Variants in SGCG observed in about 807,000 individuals in gnomAD.
SGCG encodes the protein gamma-sarcoglycan.
A neutral mutation model predicts 29.3 loss-of-function variants in SGCG; 26 were observed. The ratio of observed to expected loss-of-function variants is 0.89; its 90% CI spans 0.65 to 1.23. SGCG has a LOEUF of 1.23. SGCG is among the 50% of genes most tolerant of loss of function. The pLI is 0.00. For synonymous variants in SGCG, 145 were observed against 129.7 expected (o/e 1.12, Z -0.80); for missense variants, 353 against 356.0 (o/e 0.99, Z 0.07).
intron 1 of SGCG, among the ~76,000 whole-genome samples, chr13:23,190,068 C>T (rs977982666): frequency 4.9e-5 from 5 of 102,506 alleles, no homozygotes; most frequent in African/African-American, 1.9e-4. Flanking sequence ...ATAAAATAAA[C>T]GTTTAAGTGT....
intron 3 of SGCG, among the ~76,000 whole-genome samples, chr13:23,239,018 A>G (rs1235957591): frequency 6.6e-6 from 1 of 152,184 alleles, no homozygotes; most frequent in Admixed American, 6.5e-5. Context: ...TGGCATCTCC[A>G]AAGAAGAAGA....
At chr13:23,288,975 A>T (rs535839509) in intron 5 of SGCG, among the ~76,000 whole-genome samples, 1 of 152,220 alleles carries the variant, frequency 6.6e-6, no homozygotes, top group Non-Finnish European at 1.5e-5. Flanking sequence ...GCTAAGCAAG[A>T]TCACATAAAG....
At chr13:23,315,765 G>A (rs71429836) in intron 6 of SGCG, among the ~76,000 whole-genome samples, 28,928 of 152,140 alleles carry the variant, frequency 0.19, 3,337 homozygotes, top group Non-Finnish European at 0.25. Context: ...TGGCTGGATG[G>A]TCAGGGACTT....
chr13:23,303,307 C>A (rs1882240587), intron 6 of SGCG, among the ~76,000 whole-genome samples: 1 of 152,230 alleles, frequency 6.6e-6, no homozygotes, highest in African/African-American at 2.4e-5. Flanking sequence ...GATGAAGTAA[C>A]TGGGACTGGA....
intron 1 of SGCG, among the ~76,000 whole-genome samples, chr13:23,189,426 C>T (rs1473990845): frequency 1.3e-5 from 2 of 152,210 alleles, no homozygotes; most frequent in African/African-American, 4.8e-5. Flanking sequence ...ATCCACCTGC[C>T]TTGGCCTCCA....
chr13:23,243,110 G>C (rs978518685), intron 3 of SGCG, among the ~76,000 whole-genome samples: 1 of 152,150 alleles, frequency 6.6e-6, no homozygotes, highest in Non-Finnish European at 1.5e-5. Flanking sequence ...TATAGATACA[G>C]AGTCAATTCT....
intron 2 of SGCG, among the ~76,000 whole-genome samples, chr13:23,216,426 C>T (rs960175136): frequency 6.6e-6 from 1 of 151,862 alleles, no homozygotes; most frequent in Non-Finnish European, 1.5e-5. Flanking sequence ...TTAGCAATGA[C>T]CAAGAAGGAA....
intron 4 of SGCG, among the ~76,000 whole-genome samples, chr13:23,272,813 T>C (rs1180142190): frequency 1.3e-5 from 2 of 152,206 alleles, no homozygotes; most frequent in East Asian, 3.8e-4. Context: ...GATCAAACTT[T>C]CTCATTTAAT....
intron 2 of SGCG, among the ~76,000 whole-genome samples, chr13:23,220,843 A>G (rs1184147461): frequency 2.0e-5 from 3 of 152,218 alleles, no homozygotes; most frequent in Non-Finnish European, 4.4e-5. Flanking sequence ...TAGAAGATAG[A>G]TAAGCCAAAT....
intron 3 of SGCG, among the ~76,000 whole-genome samples, chr13:23,240,941 C>A (rs890741199): frequency 3.9e-5 from 6 of 151,970 alleles, no homozygotes; most frequent in Non-Finnish European, 7.4e-5. Context: ...ATCACGAGGT[C>A]AGGAGATCGA....
intron 1 of SGCG, among the ~76,000 whole-genome samples, chr13:23,192,723 T>C (rs9552871): frequency 0.14 from 21,136 of 152,216 alleles, 1,836 homozygotes; most frequent in East Asian, 0.25. Context: ...AGAACAGTTA[T>C]GAGAGATGTA....
the SGCG span, among the ~76,000 whole-genome samples, chr13:23,163,297 C>A: frequency 6.6e-6 from 1 of 152,054 alleles, no homozygotes; most frequent in African/African-American, 2.4e-5. Context: ...AATATTTATG[C>A]CGGAATAGGA....
intron 1 of SGCG, among the ~76,000 whole-genome samples, chr13:23,191,047 C>T (rs962749421): frequency 3.9e-5 from 6 of 152,074 alleles, no homozygotes; most frequent in African/African-American, 1.4e-4. Context: ...ACAAAATCAA[C>T]AACAGAAACT....
At chr13:23,223,639 T>C (rs1878773440) in intron 2 of SGCG, among the ~76,000 whole-genome samples, 1 of 152,158 alleles carries the variant, frequency 6.6e-6, no homozygotes, top group Admixed American at 6.5e-5. Flanking sequence ...ACATAGCTTA[T>C]GGTTTTGCCT....
chr13:23,185,718 G>T (rs2137470760), intron 1 of SGCG, among the ~76,000 whole-genome samples: 1 of 152,354 alleles, frequency 6.6e-6, no homozygotes, highest in East Asian at 1.9e-4. Context: ...CCCAAATCCA[G>T]AGAGGGGCCG....
intron 2 of SGCG, among the ~76,000 whole-genome samples, chr13:23,211,428 G>A (rs976968566): frequency 6.6e-6 from 1 of 152,092 alleles, no homozygotes; most frequent in Non-Finnish European, 1.5e-5. Context: ...CCAGAGTGAG[G>A]ATATAAGTCA....
chr13:23,240,795 T>C (rs1807829985), intron 3 of SGCG, among the ~76,000 whole-genome samples: 1 of 152,060 alleles, frequency 6.6e-6, no homozygotes, highest in Non-Finnish European at 1.5e-5. Flanking sequence ...AACATTAAAT[T>C]TGGGAGGATG....
At chr13:23,227,099 C>T (rs888025093) in intron 2 of SGCG, among the ~76,000 whole-genome samples, 3 of 151,982 alleles carry the variant, frequency 2.0e-5, no homozygotes, top group African/African-American at 7.2e-5. Context: ...CCCCCTTGTT[C>T]CAAATGAAGA....
At chr13:23,284,518 A>G (rs1262609390) in intron 5 of SGCG, among the ~76,000 whole-genome samples, 1 of 152,044 alleles carries the variant, frequency 6.6e-6, no homozygotes, top group Admixed American at 6.6e-5. Flanking sequence ...CCTTTTTTCA[A>G]GGTTCTTAGC....
Sources: gnomAD v4.1 joint callset for allele counts (sites outside exome capture counted in the v4.1 genomes callset) on GRCh38, gnomAD v4.1.1 for gene constraint, MANE v1.5 for transcripts, NCBI Gene and HGNC (gene_info 2026-07-23, HGNC 2026-07-21) for gene names.